SCUBE3: variants seen among roughly 807,000 people sequenced by gnomAD.
SCUBE3 encodes signal peptide, CUB domain and EGF like domain containing 3, also known as signal peptide, CUB and EGF-like domain-containing protein 3.
A neutral mutation model predicts 116.8 loss-of-function variants in SCUBE3; 33 were observed. The observed-to-expected ratio is 0.28, with a 90% CI of 0.21 to 0.38. The LOEUF (loss-of-function observed/expected upper bound fraction) is 0.38, where lower values mean the gene tolerates loss of function less well. Among genes scored for constraint, SCUBE3 ranks in the 10% least tolerant of loss-of-function variants. The probability of loss-of-function intolerance (pLI) is 1.00; values close to 1 mark genes in which losing one functional copy is unlikely to be tolerated. For missense variants in SCUBE3, 1,007 were observed against 1,324.8 expected (o/e 0.76, Z 3.72); for synonymous variants, 418 against 496.9 (o/e 0.84, Z 2.11).
chr6:35,252,887 T>C lies in SCUBE3; in HGVS notation c.*4182T>C, dbSNP rs1581968785. The C allele has an allele frequency of 6.6e-6, 1 of 152,208 alleles. No homozygotes were observed. The highest frequency in any genetic ancestry group is 6.5e-5 in the Admixed American group (1 of 15,280). 9.4% of individuals were successfully genotyped at this position (152,208 alleles called of 1,614,324 possible). On this transcript the variant is annotated 3_prime_UTR_variant, in exon 22 of 22. Transcript: ENST00000274938. Reference sequence around the variant, plus strand: ...TAAATGCAGAAGAAATTTCAAAATATTGTATTTATATCTGCCTTCCACTGC... The same window carrying C: ...TAAATGCAGAAGAAATTTCAAAATACTGTATTTATATCTGCCTTCCACTGC...
chr6:35,217,253 C>CGGGG (rs61349987), intron 1 of SCUBE3, among the ~76,000 whole-genome samples: 1 of 1,566 alleles, frequency 6.4e-4, no homozygotes, highest in African/African-American at 2.6e-3. Flanking sequence ...GGAGGCGCGG[C>CGGGG]GGGGGGGGGG....
Position 35,241,599 on chromosome 6 carries a change from C to T in SCUBE3, c.1252C>T (p.Arg418Trp), listed in dbSNP as rs1263290388. ...GASKAMLSCN[R>W]SGKKDTCALT... ...CTCGAAAGCCATGCTCAGCTGCAAC[C>T]GGTCTGGCAAGAAGGACACCTGTGC... Residue 418 changes from arginine (R) to tryptophan (W), a missense_variant, in exon 11 of 22, where the codon CGG becomes TGG. Around this residue, in one of 5 missense-constraint regions of SCUBE3, gnomAD observed 544 missense variants for 638.9 expected, o/e 0.85. Coordinates refer to ENST00000274938, the MANE Select transcript of SCUBE3 (RefSeq NM_152753.4). This position sits in a 1 kb window ranked among gnomAD's most constrained non-coding sequence, Gnocchi z 4.1. The T allele has an allele frequency of 7.4e-6, 12 of 1,614,068 alleles. No individual in the cohort carries two copies. The highest frequency in any genetic ancestry group is 1.6e-4 in the Middle Eastern group (1 of 6,084).
In SCUBE3 at chr6:35,241,489, C is replaced by A; in HGVS notation, c.1196-54C>A. On this transcript the variant is annotated intron_variant, in intron 10 of 21. Coordinates refer to ENST00000274938, the MANE Select transcript of SCUBE3 (RefSeq NM_152753.4). The surrounding 1 kb of genome is among the most constrained non-coding windows in gnomAD (Gnocchi z 4.1). Reference sequence around the variant, plus strand: ...CAAGTAGCTGATTCCTCCAAATTACCCAACTGAGGGAAAGGAATGCATTCA... The same window carrying A: ...CAAGTAGCTGATTCCTCCAAATTACACAACTGAGGGAAAGGAATGCATTCA... 1.5e-6 allele frequency: 2 copies of A among 1,324,722 alleles called. No individual in the cohort carries two copies. Among genetic ancestry groups the A allele is most frequent in the Non-Finnish European group, 2.2e-6 (2 of 916,628 alleles). 82.1% of individuals were successfully genotyped at this position (1,324,722 alleles called of 1,614,324 possible).
intron 14 of SCUBE3, 42 bp from the exon 15 acceptor site, chr6:35,242,975 CAGCA>C: frequency 6.3e-7 from 1 of 1,591,046 alleles, no homozygotes; most frequent in African/African-American, 1.3e-5. Context: ...CTCCTGCTCA[CAGCA>C]ACTCTTTCTC....
rs894338330 is a variant in SCUBE3 at position 35,233,769 on chromosome 6, C to T, written c.712+468C>T. ...TGGGACAGAGTGCTCCTTCCTGGAACAACCATCCCTGAACTGACTGACAGA... is the reference window on the plus strand; with the variant it reads ...TGGGACAGAGTGCTCCTTCCTGGAATAACCATCCCTGAACTGACTGACAGA... On this transcript the variant is annotated intron_variant, in intron 6 of 21. Transcript: ENST00000274938. The surrounding 1 kb of genome is among the most constrained non-coding windows in gnomAD (Gnocchi z 5.7). Among the ~76,000 whole-genome samples the T allele has an allele frequency of 6.6e-6, 1 of 152,230 alleles. No individual in the cohort carries two copies. The highest frequency in any genetic ancestry group is 1.5e-5 in the Non-Finnish European group (1 of 68,048).
At chr6:35,216,365 TATCTC>T (rs1332590716) in intron 1 of SCUBE3, among the ~76,000 whole-genome samples, 1 of 152,224 alleles carries the variant, frequency 6.6e-6, no homozygotes, top group Non-Finnish European at 1.5e-5. Context: ...GTCCCCAGCT[TATCTC>T]ATTCACAGGC....
At position 35,248,563 on chromosome 6, in the gene SCUBE3, A is replaced by G. The variant is rs1234670413; in HGVS notation, c.2840A>G (p.Lys947Arg). 1.2e-6 allele frequency: 2 copies of G among 1,613,972 alleles called. No individual in the cohort carries two copies. The highest frequency in any genetic ancestry group is 2.7e-5 in the African/African-American group (2 of 74,876). The change falls in exon 22 of 22, where the codon AAG becomes AGG. Residue 947 changes from lysine (K) to arginine (R), a missense_variant. Physicochemically the swap from Lys to Arg is conservative, Grantham distance 26. Around this residue, in one of 5 missense-constraint regions of SCUBE3, gnomAD observed 118 missense variants for 196.6 expected, o/e 0.60. Coordinates refer to ENST00000274938, the MANE Select transcript of SCUBE3 (RefSeq NM_152753.4). ...CCCTGCCATCCTTTGCAGGACAAGA[A>G]GCTCATCAAGGCCTTCTTTGAGGTG... ...ENHQEILKDKKLIKAFFEVLA... is the reference protein window; with the variant it reads ...ENHQEILKDKRLIKAFFEVLA...
intron 1 of SCUBE3, among the ~76,000 whole-genome samples, chr6:35,226,390 C>T (rs936766269): frequency 1.3e-5 from 2 of 150,512 alleles, no homozygotes; most frequent in East Asian, 2.0e-4. Flanking sequence ...CTCAATAAGG[C>T]GTTTTCAACT....
At chr6:35,248,003 G>A (rs1184870335) in intron 21 of SCUBE3, among the ~76,000 whole-genome samples, 1 of 152,234 alleles carries the variant, frequency 6.6e-6, no homozygotes, top group Non-Finnish European at 1.5e-5. Flanking sequence ...AGGCCAGTGT[G>A]GCTCAGCAGA....
chr6:35,243,286 C>G lies in SCUBE3; in HGVS notation c.1909+50C>G. 3 of 1,508,202 alleles carry G rather than the reference C, an allele frequency of 2.0e-6. No individual in the cohort carries two copies. Among genetic ancestry groups the G allele is most frequent in the Non-Finnish European group, 2.7e-6 (3 of 1,091,710 alleles). 93.4% of individuals were successfully genotyped at this position (1,508,202 alleles called of 1,614,324 possible). On this transcript the variant is annotated intron_variant, in intron 15 of 21. Transcript: ENST00000274938. The surrounding 1 kb of genome is among the most constrained non-coding windows in gnomAD (Gnocchi z 6.6). ...GGATGTAGGAAAGACCCAGTTTGGG[C>G]CTGACTCAGAGCAGGACCCTTTGTG...
chr6:35,237,922 G>C lies in SCUBE3; in HGVS notation c.733G>C (p.Gly245Arg). The C allele has an allele frequency of 6.2e-7, 1 of 1,610,572 alleles. No individual in the cohort carries two copies. Among genetic ancestry groups the C allele is most frequent in the Non-Finnish European group, 8.5e-7 (1 of 1,176,936 alleles). The change falls in exon 7 of 22, where the codon GGG becomes CGG. Residue 245 changes from glycine (G) to arginine (R), a missense_variant. Transcript: ENST00000274938. ...TCIETCAVNN[G>R]GCDSKCHDAA... ...AACAGAGACCTGTGCTGTCAACAAC[G>C]GGGGCTGTGACAGTAAGTGCCATGA...
intron 13 of SCUBE3, 92 bp downstream of exon 13, chr6:35,242,412 C>A: frequency 9.6e-7 from 1 of 1,038,922 alleles, no homozygotes. Context: ...CCACCAGAAC[C>A]CTGAACTCTA....
At position 35,239,665 on chromosome 6, in the gene SCUBE3, T is replaced by G. The variant is rs1384220252; in HGVS notation, c.830-87T>G. 2 of 1,290,726 alleles carry G rather than the reference T, an allele frequency of 1.5e-6. No individual in the cohort carries two copies. The highest frequency in any genetic ancestry group is 2.2e-6 in the Non-Finnish European group (2 of 913,760). 80.0% of individuals were successfully genotyped at this position (1,290,726 alleles called of 1,614,324 possible). ...CCCAGGACTCCTTGATTTTTGCATG[T>G]CTCTGTCAGTGAGGGAGGGATCTTT... is the stretch of plus-strand genomic sequence containing the variant. On this transcript the variant is annotated intron_variant, in intron 7 of 21. Coordinates refer to ENST00000274938, the MANE Select transcript of SCUBE3 (RefSeq NM_152753.4). The surrounding 1 kb of genome is among the most constrained non-coding windows in gnomAD (Gnocchi z 4.1).
rs187010303 is a variant in SCUBE3 at position 35,214,858 on chromosome 6, A to G, written c.85+355A>G. The stretch of plus-strand genomic sequence containing the variant: ...TCTCTTCTCTCAAACATTGCCAGAA[A>G]CTTACGCTGTGGCCTGGAGAGACTG... On this transcript the variant is annotated intron_variant, in intron 1 of 21. Transcript: ENST00000274938. The surrounding 1 kb of genome is among the most constrained non-coding windows in gnomAD (Gnocchi z 6.3). 5.9e-5 allele frequency among the ~76,000 whole-genome samples: 9 copies of G among 152,306 alleles called. No individual in the cohort carries two copies. The highest frequency in any genetic ancestry group is 2.2e-4 in the African/African-American group (9 of 41,570).
At chr6:35,248,253 G>A (rs181933733) in intron 21 of SCUBE3, among the ~76,000 whole-genome samples, 29 of 152,290 alleles carry the variant, frequency 1.9e-4, no homozygotes, top group African/African-American at 6.5e-4. Flanking sequence ...ATGATAAGTG[G>A]TCAGACCCAG....
At position 35,249,584 on chromosome 6, in the gene SCUBE3, T is replaced by C. The variant is rs1784482198; in HGVS notation, c.*879T>C. ...AACTTCAAACACTAATCCCTTTTCT[T>C]GTCTTCCCTGGCCCAGCCACCTCCT... On this transcript the variant is annotated 3_prime_UTR_variant, in exon 22 of 22. Coordinates refer to ENST00000274938, the MANE Select transcript of SCUBE3 (RefSeq NM_152753.4). 8 of 152,388 alleles carry C rather than the reference T, an allele frequency of 5.2e-5. No individual in the cohort carries two copies. The highest frequency in any genetic ancestry group is 5.2e-4 in the Admixed American group (8 of 15,294). 9.4% of individuals were successfully genotyped at this position (152,388 alleles called of 1,614,324 possible). A position where few individuals can be genotyped will look rare whatever the true frequency, so the allele number is the denominator to read the frequency against.
intron 6 of SCUBE3, among the ~76,000 whole-genome samples, chr6:35,236,497 A>G (rs891551258): frequency 6.6e-6 from 1 of 152,180 alleles, no homozygotes; most frequent in African/African-American, 2.4e-5. Context: ...AATGTTCCCT[A>G]CTAGGTTCCT....
At position 35,242,237 on chromosome 6, in the gene SCUBE3, C is replaced by T. The variant is rs1271152902; in HGVS notation, c.1451C>T (p.Ser484Phe). 1 of 1,613,902 alleles carries T rather than the reference C, an allele frequency of 6.2e-7. No individual in the cohort carries two copies. Among genetic ancestry groups the T allele is most frequent in the Non-Finnish European group, 8.5e-7 (1 of 1,179,912 alleles). Reference sequence around the variant, plus strand: ...GTGCTGTCCATTAAACAACGGGCCTCCTTCAAGATCAAGGATGCCAAATGC... The same window carrying T: ...GTGCTGTCCATTAAACAACGGGCCTTCTTCAAGATCAAGGATGCCAAATGC... ...AAVLSIKQRASFKIKDAKCRL... is the reference protein window; with the variant it reads ...AAVLSIKQRAFFKIKDAKCRL... The change falls in exon 13 of 22, where the codon TCC (serine) becomes TTC (phenylalanine). Residue 484 changes from serine to phenylalanine, a missense_variant. This residue lies in a region of SCUBE3 where 544 missense variants were observed against 638.9 expected (regional missense o/e 0.85). Transcript: ENST00000274938.
chr6:35,244,567 G>A lies in SCUBE3; in HGVS notation c.2240-83G>A. 2 of 1,085,396 alleles carry A rather than the reference G, an allele frequency of 1.8e-6. No homozygotes were observed. The highest frequency in any genetic ancestry group is 2.4e-5 in the East Asian group (1 of 42,062). The allele number at this position is 1,085,396 out of a possible 1,614,324, so 67.2% of individuals were successfully genotyped here. On this transcript the variant is annotated intron_variant, in intron 17 of 21. Coordinates refer to ENST00000274938, the MANE Select transcript of SCUBE3 (RefSeq NM_152753.4). The surrounding 1 kb of genome is among the most constrained non-coding windows in gnomAD (Gnocchi z 4.3). ...TGTATCTGATCTCCTGATTCTCCAG[G>A]ATGAATGTATCCTGTCCATCCCATG... is the stretch of plus-strand genomic sequence containing the variant.
Sources: gnomAD v4.1 joint callset for allele counts (sites outside exome capture counted in the v4.1 genomes callset) on GRCh38, gnomAD v4.1.1 for gene constraint, gnomAD v4.1.1 regional missense constraint, Gnocchi (gnomAD v3.1) non-coding constraint, MANE v1.5 for transcripts, NCBI Gene and HGNC (gene_info 2026-07-23, HGNC 2026-07-21) for gene names.